The following ARL6IP5 variants were observed in gnomAD, a reference collection of about 807,000 sequenced individuals.
ARL6IP5 encodes the protein ARF like GTPase 6 interacting protein 5.
In ARL6IP5, 6 loss-of-function variants were observed where a neutral mutation model predicts 13.0. That is an observed-to-expected ratio of 0.46 (90% CI 0.25 to 0.91). The LOEUF (loss-of-function observed/expected upper bound fraction) is 0.91, where lower values mean the gene tolerates loss of function less well. Ranked by LOEUF, ARL6IP5 falls within the 40% of genes least tolerant of loss-of-function variation. ARL6IP5 has a pLI of 0.17. For missense variants in ARL6IP5, 208 were observed against 248.8 expected (o/e 0.84, Z 1.10); for synonymous variants, 91 against 91.9 (o/e 0.99, Z 0.06).
chr3:69,093,018 T>G (rs1205124642), intron 1 of ARL6IP5, among the ~76,000 whole-genome samples: 1 of 152,170 alleles, frequency 6.6e-6, no homozygotes, highest in African/African-American at 2.4e-5. Context: ...TTTTCCATAA[T>G]GAAAAGTTAA....
At chr3:69,102,083 A>G (rs747798520) in intron 2 of ARL6IP5, 27 bp downstream of exon 2, 1 of 1,600,070 alleles carries the variant, frequency 6.2e-7, no homozygotes, top group Non-Finnish European at 8.6e-7. Flanking sequence ...TTTTTCTTCC[A>G]TCATCAAAAA....
At chr3:69,100,471 C>G (rs1432131368) in intron 1 of ARL6IP5, among the ~76,000 whole-genome samples, 1 of 151,976 alleles carries the variant, frequency 6.6e-6, no homozygotes, top group Non-Finnish European at 1.5e-5. Flanking sequence ...GCGATTCAGG[C>G]CAGCTATTAG....
chr3:69,088,253 T>C (rs895248499), intron 1 of ARL6IP5, among the ~76,000 whole-genome samples: 3 of 152,222 alleles, frequency 2.0e-5, no homozygotes, highest in Non-Finnish European at 2.9e-5. Context: ...CTTTCGGTGA[T>C]GCTAGTAGAT....
intron 1 of ARL6IP5, among the ~76,000 whole-genome samples, chr3:69,093,742 C>T (rs534574070): frequency 8.5e-5 from 12 of 140,944 alleles, no homozygotes; most frequent in Admixed American, 8.1e-4. Context: ...AGCCTGCCGA[C>T]AGAGGGAGAT....
chr3:69,094,022 C>A (rs1471480656), intron 1 of ARL6IP5, among the ~76,000 whole-genome samples: 2 of 152,134 alleles, frequency 1.3e-5, no homozygotes, highest in Non-Finnish European at 1.5e-5. Context: ...GCTGGCTGAG[C>A]TGAGACTTGA....
intron 1 of ARL6IP5, chr3:69,099,900 T>C (rs1166260594): frequency 6.5e-6 from 1 of 152,740 alleles, no homozygotes; most frequent in Non-Finnish European, 1.5e-5. Context: ...GCGACTATAA[T>C]GCCCAAAACT....
chr3:69,084,995 T>TGCCGCCGCC lies in ARL6IP5; in HGVS notation c.-43_-35dup, dbSNP rs767557247. On this transcript the variant is annotated 5_prime_UTR_variant, in exon 1 of 3. Transcript: ENST00000273258. Reference sequence around the variant, plus strand: ...CTCCAACTCAGCTCAGCTGATCGGTTGCCGCCGCCGCCGCCGCCAGATTCT... The same window carrying TGCCGCCGCC: ...CTCCAACTCAGCTCAGCTGATCGGTTGCCGCCGCCGCCGCCGCCGCCGCCGCCAGATTCT... 3.2e-6 allele frequency: 5 copies of TGCCGCCGCC among 1,585,594 alleles called. No homozygotes were observed. In the African/African-American group the frequency reaches 5.4e-5, roughly 17 times the overall value.
At chr3:69,092,476 TGTTTTG>T (rs1334309883) in intron 1 of ARL6IP5, among the ~76,000 whole-genome samples, 1 of 152,170 alleles carries the variant, frequency 6.6e-6, no homozygotes, top group African/African-American at 2.4e-5. Flanking sequence ...AGCTTTTGTT[TGTTTTG>T]TTTTGTTAAG....
intron 1 of ARL6IP5, 104 bp from the exon 2 acceptor site, chr3:69,101,735 A>AAAG (rs1460155862): frequency 1.1e-6 from 1 of 916,014 alleles, no homozygotes; most frequent in East Asian, 2.6e-5. Flanking sequence ...ATAAAGTATT[A>AAAG]AAGTATTAGT....
intron 1 of ARL6IP5, among the ~76,000 whole-genome samples, chr3:69,093,553 A>T (rs1163156440): frequency 6.6e-6 from 1 of 152,092 alleles, no homozygotes; most frequent in Non-Finnish European, 1.5e-5. Context: ...ACTTGAGGTC[A>T]GGAGTTCGAG....
intron 1 of ARL6IP5, chr3:69,089,826 C>T (rs1165831792): frequency 8.8e-6 from 4 of 456,626 alleles, no homozygotes; most frequent in Non-Finnish European, 1.8e-5. Context: ...AACCATGTAG[C>T]TGCTGAAGGA....
chr3:69,094,613 G>T (rs79718550), intron 1 of ARL6IP5, among the ~76,000 whole-genome samples: 1 of 152,026 alleles, frequency 6.6e-6, no homozygotes, highest in East Asian at 1.9e-4. Context: ...AGCTTTTTCG[G>T]CTAGAAAATT....
At chr3:69,103,678 C>A (rs769744899) in intron 2 of ARL6IP5, among the ~76,000 whole-genome samples, 5 of 152,116 alleles carry the variant, frequency 3.3e-5, no homozygotes, top group Non-Finnish European at 5.9e-5. Flanking sequence ...AATTCTGGAG[C>A]CTTCCCTCAG....
At chr3:69,086,937 A>T (rs1044356863) in intron 1 of ARL6IP5, among the ~76,000 whole-genome samples, 1 of 152,006 alleles carries the variant, frequency 6.6e-6, no homozygotes, top group African/African-American at 2.4e-5. Flanking sequence ...TGGCCAGGTG[A>T]TCTGCCCGCC....
At position 69,098,240 on chromosome 3, in the gene ARL6IP5, CT is replaced by C. The variant is rs34413250; in HGVS notation, c.177-3578del. On this transcript the variant is annotated intron_variant, in intron 1 of 2. Coordinates refer to ENST00000273258, the MANE Select transcript of ARL6IP5 (RefSeq NM_006407.4). Reference sequence around the variant, plus strand: ...TACAGGTGCCTGCCACCATACCTGGCTTTTTTTTTTTTTTTTTTTTTGAGAC... The same window carrying C: ...TACAGGTGCCTGCCACCATACCTGGCTTTTTTTTTTTTTTTTTTTTGAGAC... 3.6e-3 allele frequency among the ~76,000 whole-genome samples: 255 copies of C among 71,812 alleles called. 1 individual carries two copies. The highest frequency in any genetic ancestry group is 6.7e-3 in the South Asian group (11 of 1,642). The allele number at this position is 71,812 out of a possible 152,430, so 47.1% of individuals were successfully genotyped here.
chr3:69,102,404 C>G (rs906584430), intron 2 of ARL6IP5, among the ~76,000 whole-genome samples: 1 of 152,118 alleles, frequency 6.6e-6, no homozygotes, highest in African/African-American at 2.4e-5. Flanking sequence ...TAGCTGGGAC[C>G]ACAGGTGCAC....
At chr3:69,093,592 G>A (rs938448068) in intron 1 of ARL6IP5, among the ~76,000 whole-genome samples, 2 of 151,736 alleles carry the variant, frequency 1.3e-5, no homozygotes, top group Non-Finnish European at 2.9e-5. Context: ...GTGAAACATC[G>A]TCTCTACTAA....
intron 1 of ARL6IP5, among the ~76,000 whole-genome samples, chr3:69,100,625 C>T (rs1449165911): frequency 6.6e-6 from 1 of 151,724 alleles, no homozygotes; most frequent in Non-Finnish European, 1.5e-5. Flanking sequence ...ACTGAAAATA[C>T]AAAAAATTAG....
chr3:69,099,003 A>G (rs1338633608), intron 1 of ARL6IP5, among the ~76,000 whole-genome samples: 1 of 152,064 alleles, frequency 6.6e-6, no homozygotes, highest in Non-Finnish European at 1.5e-5. Context: ...CTTGAAGGAT[A>G]CAAGTATTTG....
Sources: allele counts gnomAD v4.1 joint callset (sites outside exome capture counted in the v4.1 genomes callset), GRCh38; gene constraint gnomAD v4.1.1; transcripts MANE v1.5; gene names NCBI Gene and HGNC (gene_info 2026-07-23, HGNC 2026-07-21).